Variants in CDH8 observed in about 807,000 individuals in gnomAD.
CDH8 encodes the protein cadherin-8.
Under a neutral mutation model 68.1 loss-of-function variants are expected in CDH8, and 17 were observed. The ratio of observed to expected loss-of-function variants is 0.25; its 90% confidence interval spans 0.17 to 0.37. CDH8 has a LOEUF of 0.37. Among genes scored for constraint, CDH8 ranks in the 10% least tolerant of loss-of-function variants. CDH8 has a pLI of 1.00. For missense variants in CDH8, 763 were observed against 999.3 expected, an observed-to-expected ratio of 0.76 and a Z score of 3.19; for synonymous variants, 372 against 365.1, an observed-to-expected ratio of 1.02 and a Z score of -0.21.
intron 10 of CDH8, among the ~76,000 whole-genome samples, chr16:61,705,949 G>T (rs571480668): frequency 6.6e-6 from 1 of 152,306 alleles, no homozygotes; most frequent in Admixed American, 6.5e-5. Flanking sequence ...GGCAAAACCT[G>T]TGTCTATTTA....
intron 1 of CDH8, among the ~76,000 whole-genome samples, chr16:62,034,259 C>A (rs1419471777): frequency 6.6e-6 from 1 of 151,904 alleles, no homozygotes; most frequent in African/African-American, 2.4e-5. Flanking sequence ...ACAGCTGATG[C>A]AAAGCAATAT....
At chr16:61,974,527 C>A (rs1965402658) in intron 2 of CDH8, among the ~76,000 whole-genome samples, 1 of 152,160 alleles carries the variant, frequency 6.6e-6, no homozygotes, top group Non-Finnish European at 1.5e-5. Flanking sequence ...CATTATTTGG[C>A]ACTGTTATTG....
intron 2 of CDH8, among the ~76,000 whole-genome samples, chr16:61,932,164 G>A (rs1261118846): frequency 2.0e-5 from 3 of 147,108 alleles, no homozygotes; most frequent in Non-Finnish European, 4.4e-5. Context: ...CCGAGAAGGC[G>A]CCACTGCACT....
intron 10 of CDH8, among the ~76,000 whole-genome samples, chr16:61,680,765 T>C (rs1963998376): frequency 6.6e-6 from 1 of 151,950 alleles, no homozygotes; most frequent in African/African-American, 2.4e-5. Flanking sequence ...GTTTTAAATT[T>C]CATGGATTTA....
chr16:61,666,719 TAAG>T, intron 10 of CDH8, among the ~76,000 whole-genome samples: 1 of 152,050 alleles, frequency 6.6e-6, no homozygotes, highest in Admixed American at 6.6e-5. Context: ...ATAAAAATGA[TAAG>T]AAGGTCAAAA....
rs943593742 is a variant in CDH8 at position 61,927,590 on chromosome 16, A to C, written c.253-26117T>G. 3.3e-5 allele frequency among the ~76,000 whole-genome samples: 5 copies of C among 152,236 alleles called. No individual in the cohort carries two copies. In the East Asian group the frequency reaches 5.8e-4, roughly 18 times the overall value. ...AATATTTCCACATAAAAGTCACATT[A>C]TTCACTAGTTCCATGACTCAAAACT... On this transcript the variant is annotated intron_variant, in intron 2 of 11. Coordinates refer to ENST00000577390, the MANE Select transcript of CDH8 (RefSeq NM_001796.5).
At chr16:61,713,628 T>A (rs1297717220) in intron 10 of CDH8, among the ~76,000 whole-genome samples, 4 of 151,586 alleles carry the variant, frequency 2.6e-5, no homozygotes, top group Non-Finnish European at 4.4e-5. Flanking sequence ...GGGGAAAAAA[T>A]TAACTTTTTA....
chr16:62,036,115 C>G lies in CDH8; in HGVS notation c.-235G>C, dbSNP rs1159890137. ...CCCTGCGCTGGCGAATGTCAAGCCT[C>G]CAGGTTCACAAATGGCTGGAGGTGC... On this transcript the variant is annotated 5_prime_UTR_variant, in exon 1 of 12. Coordinates refer to ENST00000577390, the MANE Select transcript of CDH8 (RefSeq NM_001796.5). 2 of 152,284 alleles carry G rather than the reference C, an allele frequency of 1.3e-5. No homozygotes were observed. Among genetic ancestry groups the G allele is most frequent in the African/African-American group, 4.8e-5 (2 of 41,458 alleles). The allele number at this position is 152,284 out of a possible 1,614,324, so 9.4% of individuals were successfully genotyped here.
At chr16:61,782,248 G>A (rs565087816) in intron 8 of CDH8, among the ~76,000 whole-genome samples, 1,680 of 152,166 alleles carry the variant, frequency 0.011, 16 homozygotes, top group Non-Finnish European at 0.015. Context: ...TCCGCGAGCC[G>A]AAGCAGGGCG....
intron 4 of CDH8, among the ~76,000 whole-genome samples, chr16:61,837,641 C>A (rs1187762447): frequency 6.6e-6 from 1 of 152,094 alleles, no homozygotes; most frequent in East Asian, 1.9e-4. Context: ...ACAGTCACCA[C>A]AATGTATTGG....
At chr16:61,696,331 G>T (rs1197059900) in intron 10 of CDH8, among the ~76,000 whole-genome samples, 1 of 152,172 alleles carries the variant, frequency 6.6e-6, no homozygotes, top group African/African-American at 2.4e-5. Context: ...CCCATCAGAG[G>T]TCTCAAAGGT....
At chr16:61,761,574 T>A (rs1960471402) in intron 8 of CDH8, among the ~76,000 whole-genome samples, 1 of 152,090 alleles carries the variant, frequency 6.6e-6, no homozygotes, top group South Asian at 2.1e-4. Context: ...CTGGGAAGCT[T>A]CAAAAAATAC....
At chr16:61,678,586 G>GTTA (rs1046682319) in intron 10 of CDH8, among the ~76,000 whole-genome samples, 4 of 151,884 alleles carry the variant, frequency 2.6e-5, no homozygotes, top group African/African-American at 7.3e-5. Flanking sequence ...ATGCAGGTTT[G>GTTA]TTACATAGGT....
At position 61,647,893 on chromosome 16, in the gene CDH8, G is replaced by A. The variant is rs1218763842; in HGVS notation, c.*5715C>T. 23 of 696,252 alleles carry A rather than the reference G, an allele frequency of 3.3e-5. No individual in the cohort carries two copies. The South Asian group carries it at 3.4e-4, about 10-fold the overall frequency. 43.1% of individuals were successfully genotyped at this position (696,252 alleles called of 1,614,324 possible). ...CTAGCAACCCTCTTCTGTAATCTGT[G>A]GATAATAATAGAAATATCTATTATC... On this transcript the variant is annotated 3_prime_UTR_variant, in exon 12 of 12. Transcript: ENST00000577390.
At chr16:61,655,375 C>G in intron 11 of CDH8, 95 bp downstream of exon 11, 1 of 1,250,042 alleles carries the variant, frequency 8.0e-7, no homozygotes, top group Non-Finnish European at 1.1e-6. Context: ...CAACGGAATG[C>G]TCTTGCCTGT....
intron 10 of CDH8, among the ~76,000 whole-genome samples, chr16:61,675,994 AAC>A (rs1248090216): frequency 2.0e-5 from 3 of 151,734 alleles, no homozygotes; most frequent in East Asian, 1.9e-4. Context: ...TAAAAAATAA[AAC>A]AGAGTGAACC....
At chr16:61,869,248 T>C (rs2143030778) in intron 3 of CDH8, among the ~76,000 whole-genome samples, 1 of 152,250 alleles carries the variant, frequency 6.6e-6, no homozygotes, top group South Asian at 2.1e-4. Flanking sequence ...CGGTCCTTCT[T>C]GGCCCTTAGG....
chr16:61,994,855 T>G (rs2150592135), intron 2 of CDH8, among the ~76,000 whole-genome samples: 1 of 152,354 alleles, frequency 6.6e-6, no homozygotes, highest in Non-Finnish European at 1.5e-5. Context: ...CAAATATTTT[T>G]GCTCTTCACG....
At chr16:61,807,641 C>G (rs1961827170) in intron 7 of CDH8, among the ~76,000 whole-genome samples, 2 of 152,250 alleles carry the variant, frequency 1.3e-5, no homozygotes, top group South Asian at 2.1e-4. Flanking sequence ...GGGGCGTGGT[C>G]AGGAGACAGC....
Sources: gnomAD v4.1 joint callset for allele counts (sites outside exome capture counted in the v4.1 genomes callset) on GRCh38, gnomAD v4.1.1 for gene constraint, MANE v1.5 for transcripts, NCBI Gene and HGNC (gene_info 2026-07-23, HGNC 2026-07-21) for gene names.